CADM1: variants seen among roughly 807,000 people sequenced by gnomAD.
CADM1 encodes cell adhesion molecule 1.
CADM1 carries 15 observed loss-of-function variants against 53.1 expected under a neutral mutation model. The ratio of observed to expected loss-of-function variants is 0.28; its 90% CI spans 0.19 to 0.44. The LOEUF is 0.44. Among genes scored for constraint, CADM1 ranks in the 20% least tolerant of loss-of-function variants. The pLI is 1.00. For synonymous variants in CADM1, 281 were observed against 243.0 expected (o/e 1.16, Z -1.45); for missense variants, 434 against 611.3 (o/e 0.71, Z 3.06).
chr11:115,412,804 T>C (rs1947491497), intron 1 of CADM1, among the ~76,000 whole-genome samples: 1 of 152,148 alleles, frequency 6.6e-6, no homozygotes, highest in Non-Finnish European at 1.5e-5. Context: ...CAAGGGTCTT[T>C]CCCCACTAAA....
intron 1 of CADM1, among the ~76,000 whole-genome samples, chr11:115,438,557 C>A (rs1028669959): frequency 2.6e-5 from 4 of 152,166 alleles, no homozygotes; most frequent in African/African-American, 9.6e-5. Context: ...AACCATTGGC[C>A]TCTTGTCTAA....
intron 8 of CADM1, among the ~76,000 whole-genome samples, chr11:115,198,860 T>C (rs1335137420): frequency 6.6e-6 from 1 of 152,196 alleles, no homozygotes; most frequent in Non-Finnish European, 1.5e-5. Context: ...CATTCAAACA[T>C]TGCCTTTGTT....
chr11:115,483,321 T>C (rs563751263), intron 1 of CADM1, among the ~76,000 whole-genome samples: 2 of 152,348 alleles, frequency 1.3e-5, no homozygotes, highest in African/African-American at 4.8e-5. Context: ...ATAATGTTTT[T>C]TTCACATTTC....
chr11:115,488,400 A>G (rs554777201), intron 1 of CADM1, among the ~76,000 whole-genome samples: 1 of 152,338 alleles, frequency 6.6e-6, no homozygotes, highest in East Asian at 1.9e-4. Context: ...TAATGTCAGG[A>G]AGTTAGAGTT....
At chr11:115,421,888 T>C (rs995140265) in intron 1 of CADM1, among the ~76,000 whole-genome samples, 5 of 152,184 alleles carry the variant, frequency 3.3e-5, no homozygotes, top group Non-Finnish European at 5.9e-5. Flanking sequence ...TAGATTCCCA[T>C]CTTAAATATT....
In CADM1 at chr11:115,184,223, A is replaced by C. The variant is rs78028589; in HGVS notation, c.1166-5448T>G. Among the ~76,000 whole-genome samples, 582 of 152,334 alleles carry C rather than the reference A, an allele frequency of 3.8e-3. 10 individuals are homozygous for C. The East Asian group carries it at 0.046, about 12-fold the overall frequency. On this transcript the variant is annotated intron_variant, in intron 10 of 11. Transcript: ENST00000331581. ...CCTAAAAAAAAAATGACACTTAAGAAAACCTGGCACCATCTGAAAAATGTA... is the reference window on the plus strand; with the variant it reads ...CCTAAAAAAAAAATGACACTTAAGACAACCTGGCACCATCTGAAAAATGTA...
In CADM1 at chr11:115,366,101, G is replaced by A. The variant is rs1946149620; in HGVS notation, c.125-125681C>T. On this transcript the variant is annotated intron_variant, in intron 1 of 11. Transcript: ENST00000331581. ...CAGGACACATTTATTTCTGTCACTC[G>A]GGTCACATGTTATCATCCAGCCTTG... is the stretch of plus-strand genomic sequence containing the variant. Among the ~76,000 whole-genome samples the A allele has an allele frequency of 2.6e-5, 4 of 152,096 alleles. No individual in the cohort carries two copies. In the South Asian group the frequency reaches 8.3e-4, roughly 32 times the overall value.
intron 1 of CADM1, among the ~76,000 whole-genome samples, chr11:115,286,456 T>C (rs1301850248): frequency 6.6e-6 from 1 of 152,236 alleles, no homozygotes; most frequent in Admixed American, 6.5e-5. Flanking sequence ...CAAAACTGAT[T>C]ACTATATGCA....
At chr11:115,384,605 G>GC (rs1946654803) in intron 1 of CADM1, among the ~76,000 whole-genome samples, 2 of 152,318 alleles carry the variant, frequency 1.3e-5, no homozygotes, top group East Asian at 3.9e-4. Context: ...ACACAGGGAT[G>GC]CCAGTACCTC....
At chr11:115,289,428 T>C (rs1052998516) in intron 1 of CADM1, among the ~76,000 whole-genome samples, 1 of 152,094 alleles carries the variant, frequency 6.6e-6, no homozygotes, top group African/African-American at 2.4e-5. Context: ...AATAATTGTC[T>C]ACCTTTAAGA....
At chr11:115,312,170 G>A (rs1057012251) in intron 1 of CADM1, among the ~76,000 whole-genome samples, 4 of 152,106 alleles carry the variant, frequency 2.6e-5, no homozygotes, top group African/African-American at 4.8e-5. Flanking sequence ...TAAGTGAGCC[G>A]GGAAAGGTGG....
At chr11:115,265,471 A>G (rs747518889) in intron 1 of CADM1, among the ~76,000 whole-genome samples, 5 of 151,934 alleles carry the variant, frequency 3.3e-5, no homozygotes, top group African/African-American at 1.2e-4. Context: ...GCTTTTCATT[A>G]CTCAGCTATT....
chr11:115,256,985 T>G (rs1942810500), intron 1 of CADM1: 2 of 437,474 alleles, frequency 4.6e-6, no homozygotes, highest in Non-Finnish European at 9.3e-6. Context: ...CTTGTCACAT[T>G]TAGAGTGTGA....
chr11:115,464,084 G>A (rs1019920804), intron 1 of CADM1, among the ~76,000 whole-genome samples: 1 of 152,148 alleles, frequency 6.6e-6, no homozygotes, highest in African/African-American at 2.4e-5. Flanking sequence ...GAGACAATCT[G>A]CATCTATTCC....
At chr11:115,228,180 T>C (rs1175737195) in intron 5 of CADM1, among the ~76,000 whole-genome samples, 1 of 152,180 alleles carries the variant, frequency 6.6e-6, no homozygotes, top group East Asian at 1.9e-4. Flanking sequence ...GATCCATCCC[T>C]ACAGTCTTTG....
intron 1 of CADM1, among the ~76,000 whole-genome samples, chr11:115,297,314 AAAGGTGGACAG>A (rs1944104753): frequency 6.6e-6 from 1 of 152,192 alleles, no homozygotes; most frequent in Non-Finnish European, 1.5e-5. Context: ...GATGCAATTA[AAAGGTGGACAG>A]ACAGGTAGAC....
At chr11:115,258,206 G>A (rs935216658) in intron 1 of CADM1, among the ~76,000 whole-genome samples, 12 of 152,040 alleles carry the variant, frequency 7.9e-5, no homozygotes, top group African/African-American at 2.7e-4. Context: ...GACTTTATCC[G>A]AATGTTAATC....
At chr11:115,255,444 CCTA>C (rs1942754568) in intron 1 of CADM1, among the ~76,000 whole-genome samples, 1 of 152,102 alleles carries the variant, frequency 6.6e-6, no homozygotes, top group African/African-American at 2.4e-5. Context: ...TCACACGAGA[CCTA>C]CTAAGTCAGA....
At chr11:115,218,410 T>C (rs1384196613) in intron 5 of CADM1, among the ~76,000 whole-genome samples, 1 of 152,206 alleles carries the variant, frequency 6.6e-6, no homozygotes, top group Non-Finnish European at 1.5e-5. Flanking sequence ...CACTGCATGT[T>C]AATAAATTTG....
Sources: gnomAD v4.1 joint callset for allele counts (sites outside exome capture counted in the v4.1 genomes callset) on GRCh38, gnomAD v4.1.1 for gene constraint, MANE v1.5 for transcripts, NCBI Gene and HGNC (gene_info 2026-07-23, HGNC 2026-07-21) for gene names.